The following TBC1D14 variants were observed in gnomAD, a reference collection of about 807,000 sequenced individuals.
The protein encoded by TBC1D14 is TBC1 domain family member 14.
TBC1D14 carries 26 observed loss-of-function variants against 79.0 expected under a neutral mutation model. The ratio of observed to expected loss-of-function variants is 0.33; its 90% CI spans 0.24 to 0.46. TBC1D14 has a LOEUF of 0.46. Among genes scored for constraint, TBC1D14 ranks in the 20% least tolerant of loss-of-function variants. TBC1D14 has a pLI of 1.00. For missense variants in TBC1D14, 769 were observed against 887.6 expected (o/e 0.87, Z 1.70); for synonymous variants, 394 against 349.9 (o/e 1.13, Z -1.40).
intron 3 of TBC1D14, among the ~76,000 whole-genome samples, chr4:6,972,353 T>C (rs1226103311): frequency 1.3e-5 from 2 of 152,218 alleles, no homozygotes; most frequent in East Asian, 1.9e-4. Flanking sequence ...TTCAAGTGAC[T>C]GTCAGCCGCC....
At chr4:6,961,411 G>C (rs1393081838) in intron 2 of TBC1D14, among the ~76,000 whole-genome samples, 1 of 152,154 alleles carries the variant, frequency 6.6e-6, no homozygotes, top group East Asian at 1.9e-4. Context: ...TCTGTGCCAT[G>C]GGGGAGCTGA....
At chr4:7,007,550 G>A (rs1230072171) in intron 9 of TBC1D14, 1 of 1,289,338 alleles carries the variant, frequency 7.8e-7, no homozygotes, top group Non-Finnish European at 1.0e-6. Context: ...ATTTCCGTGT[G>A]GGTCTTCAGA....
Position 6,938,467 on chromosome 4 carries a change from T to C in TBC1D14, c.722+14356T>C, listed in dbSNP as rs183075390. ...GCGCCACTTCCTCTTCTTCAGTCCT[T>C]GGCCCTCTCCAGGGGATCCCAGCCT... On this transcript the variant is annotated intron_variant, in intron 2 of 13. Coordinates refer to ENST00000409757, the MANE Select transcript of TBC1D14 (RefSeq NM_020773.3). Among the ~76,000 whole-genome samples, 739 of 152,264 alleles carry C rather than the reference T, an allele frequency of 4.9e-3. 6 individuals carry two copies. The highest frequency in any genetic ancestry group is 0.017 in the African/African-American group (700 of 41,548).
Position 6,926,878 on chromosome 4 carries a change from C to T in TBC1D14, c.722+2767C>T, listed in dbSNP as rs28461523. On this transcript the variant is annotated intron_variant, in intron 2 of 13. Coordinates refer to ENST00000409757, the MANE Select transcript of TBC1D14 (RefSeq NM_020773.3). Reference sequence around the variant, plus strand: ...GCTAGAGCTGGTCCTCTGGGGTTCCCAGCCCTGGCTTCTGAGCCATCCTGT... The same window carrying T: ...GCTAGAGCTGGTCCTCTGGGGTTCCTAGCCCTGGCTTCTGAGCCATCCTGT... Among the ~76,000 whole-genome samples the T allele has an allele frequency of 5.0e-3, 769 of 152,354 alleles. 5 individuals carry two copies. Among genetic ancestry groups the T allele is most frequent in the African/African-American group, 0.018 (728 of 41,580 alleles).
intron 3 of TBC1D14, among the ~76,000 whole-genome samples, chr4:6,973,375 G>C (rs1306976965): frequency 6.6e-6 from 1 of 152,008 alleles, no homozygotes; most frequent in Non-Finnish European, 1.5e-5. Context: ...TGGCCTACAG[G>C]CAAATTCTAA....
At chr4:7,009,231 A>G (rs957985307) in intron 9 of TBC1D14, among the ~76,000 whole-genome samples, 1 of 152,220 alleles carries the variant, frequency 6.6e-6, no homozygotes, top group South Asian at 2.1e-4. Context: ...CTCACATGCT[A>G]ACTTCAGCGT....
chr4:7,027,673 TCACA>T (rs1297836084), intron 13 of TBC1D14, among the ~76,000 whole-genome samples: 2 of 26,354 alleles, frequency 7.6e-5, no homozygotes, highest in Admixed American at 5.2e-4. Context: ...CCCCACACAA[TCACA>T]CACCCACACA....
intron 2 of TBC1D14, among the ~76,000 whole-genome samples, chr4:6,935,646 TA>T (rs1294132851): frequency 8.8e-6 from 1 of 113,816 alleles, no homozygotes; most frequent in Non-Finnish European, 1.9e-5. Context: ...TGTGTGAGTG[TA>T]CTTTTTTTTT....
At chr4:6,945,609 G>A (rs1445130015) in intron 2 of TBC1D14, among the ~76,000 whole-genome samples, 4 of 152,016 alleles carry the variant, frequency 2.6e-5, no homozygotes, top group Admixed American at 6.6e-5. Flanking sequence ...TTAGCCGAGC[G>A]TGGTGGCAAC....
At chr4:6,968,122 G>C (rs537307087) in intron 3 of TBC1D14, among the ~76,000 whole-genome samples, 1 of 152,104 alleles carries the variant, frequency 6.6e-6, no homozygotes, top group Non-Finnish European at 1.5e-5. Flanking sequence ...CCCAAGTGTC[G>C]CGACATTGCC....
At chr4:6,918,222 A>G (rs1437690227) in intron 1 of TBC1D14, among the ~76,000 whole-genome samples, 1 of 152,222 alleles carries the variant, frequency 6.6e-6, no homozygotes, top group Non-Finnish European at 1.5e-5. Context: ...AATTCAGGGA[A>G]GGGTCCTTGG....
chr4:6,954,401 C>T (rs1224438845), intron 2 of TBC1D14: 1 of 717,326 alleles, frequency 1.4e-6, no homozygotes, highest in Non-Finnish European at 2.6e-6. Flanking sequence ...GAAGCAGAGT[C>T]TTTCCTGCGT....
intron 12 of TBC1D14, among the ~76,000 whole-genome samples, chr4:7,015,119 G>C (rs1721153184): frequency 6.6e-6 from 1 of 152,092 alleles, no homozygotes; most frequent in Non-Finnish European, 1.5e-5. Context: ...GGGAGGCCAG[G>C]TCACGGTGGC....
At chr4:7,024,247 A>AG (rs1416307304) in intron 12 of TBC1D14, among the ~76,000 whole-genome samples, 1 of 152,182 alleles carries the variant, frequency 6.6e-6, no homozygotes, top group Non-Finnish European at 1.5e-5. Context: ...TCAGCCCCTC[A>AG]GGCCGAGTCC....
chr4:6,997,806 C>G (rs1232172041), intron 5 of TBC1D14, among the ~76,000 whole-genome samples: 1 of 151,938 alleles, frequency 6.6e-6, no homozygotes, highest in Non-Finnish European at 1.5e-5. Context: ...CTATGAGGTC[C>G]CTAAGAGCAG....
intron 2 of TBC1D14, among the ~76,000 whole-genome samples, chr4:6,959,455 T>TC (rs1714979757): frequency 6.6e-6 from 1 of 152,052 alleles, no homozygotes; most frequent in South Asian, 2.1e-4. Context: ...TGCTGGGCCT[T>TC]CCCCCGGGCT....
In TBC1D14 at chr4:6,923,775, C is replaced by T; in HGVS notation, c.386C>T (p.Thr129Met). Residue 129 changes from threonine to methionine, a missense_variant, in exon 2 of 14, where the codon ACG (threonine) becomes ATG (methionine). Thr to Met is a moderately conservative substitution (Grantham distance 81). Transcript: ENST00000409757. ...EREQSVRKSS[T>M]FPRTGYDSVK... ...GAACAGAGCGTGCGCAAATCCTCCA[C>T]GTTTCCCAGGACAGGCTATGACTCG... 2.5e-6 allele frequency: 4 copies of T among 1,614,108 alleles called. No individual in the cohort carries two copies. The highest frequency in any genetic ancestry group is 2.2e-5 in the East Asian group (1 of 44,884).
chr4:6,960,714 A>G (rs913348066), intron 2 of TBC1D14, among the ~76,000 whole-genome samples: 7 of 152,168 alleles, frequency 4.6e-5, no homozygotes, highest in African/African-American at 9.7e-5. Context: ...TGGCTCCTGT[A>G]TGGGACCGCA....
intron 3 of TBC1D14, among the ~76,000 whole-genome samples, chr4:6,989,636 G>C (rs1420724939): frequency 1.3e-5 from 2 of 152,180 alleles, no homozygotes; most frequent in Non-Finnish European, 2.9e-5. Flanking sequence ...AGTGAGCCCT[G>C]CTGGGTTGGA....
Sources: allele counts gnomAD v4.1 joint callset (sites outside exome capture counted in the v4.1 genomes callset), GRCh38; gene constraint gnomAD v4.1.1; transcripts MANE v1.5; gene names NCBI Gene and HGNC (gene_info 2026-07-23, HGNC 2026-07-21).